The following WASF1 variants were observed in gnomAD, a reference collection of about 807,000 sequenced individuals.
The protein encoded by WASF1 is WASP family member 1, also known as actin-binding protein WASF1.
WASF1 carries 7 observed loss-of-function variants against 50.5 expected under a neutral mutation model. That is an observed-to-expected ratio of 0.14 (90% CI 0.08 to 0.26). WASF1 has a LOEUF of 0.26. Ranked by LOEUF, WASF1 falls within the 10% of genes least tolerant of loss-of-function variation. The probability of loss-of-function intolerance (pLI) is 1.00; values close to 1 mark genes in which losing one functional copy is unlikely to be tolerated. For synonymous variants in WASF1, 205 were observed against 244.0 expected (o/e 0.84, Z 1.49); for missense variants, 470 against 694.7 (o/e 0.68, Z 3.64).
intron 4 of WASF1, among the ~76,000 whole-genome samples, chr6:110,114,499 T>C (rs913438517): frequency 3.3e-5 from 5 of 152,200 alleles, no homozygotes; most frequent in Non-Finnish European, 7.3e-5. Flanking sequence ...CGAATACCTT[T>C]TAATCTTGTA....
intron 3 of WASF1, among the ~76,000 whole-genome samples, chr6:110,143,672 T>C (rs945116795): frequency 1.1e-4 from 17 of 152,162 alleles, no homozygotes; most frequent in Non-Finnish European, 1.6e-4. Context: ...TAACAGTTAA[T>C]AATTGCTTTA....
chr6:110,115,230 G>C (rs1386580345), intron 4 of WASF1, among the ~76,000 whole-genome samples: 2 of 150,770 alleles, frequency 1.3e-5, no homozygotes, highest in African/African-American at 4.9e-5. Flanking sequence ...AACTGCTACA[G>C]AGGACATTTA....
intron 3 of WASF1, among the ~76,000 whole-genome samples, chr6:110,147,737 A>C (rs1775637989): frequency 6.6e-6 from 1 of 152,144 alleles, no homozygotes; most frequent in African/African-American, 2.4e-5. Context: ...ATACTGCACC[A>C]AGGTTATTAC....
intron 7 of WASF1, among the ~76,000 whole-genome samples, chr6:110,106,614 T>C (rs1773336727): frequency 6.6e-6 from 1 of 152,202 alleles, no homozygotes; most frequent in Non-Finnish European, 1.5e-5. Flanking sequence ...TAATAACCTC[T>C]CCAAAACATT....
intron 5 of WASF1, among the ~76,000 whole-genome samples, chr6:110,111,220 G>A (rs1773540319): frequency 6.6e-6 from 1 of 152,042 alleles, no homozygotes; most frequent in African/African-American, 2.4e-5. Flanking sequence ...AAGCAGTTGA[G>A]TTATCTGAAA....
At chr6:110,128,203 T>C (rs890400588) in intron 3 of WASF1, among the ~76,000 whole-genome samples, 4 of 152,210 alleles carry the variant, frequency 2.6e-5, no homozygotes, top group Admixed American at 6.5e-5. Context: ...TAACTTCCAA[T>C]TACTAGAATA....
At chr6:110,158,445 CTCTT>C (rs909188102) in intron 3 of WASF1, among the ~76,000 whole-genome samples, 24 of 140,672 alleles carry the variant, frequency 1.7e-4, no homozygotes, top group Non-Finnish European at 3.5e-4. Context: ...ATTCTTCTCT[CTCTT>C]TTTCTTTATT....
At chr6:110,144,934 C>T (rs1277034979) in intron 3 of WASF1, among the ~76,000 whole-genome samples, 13 of 151,852 alleles carry the variant, frequency 8.6e-5, no homozygotes, top group Non-Finnish European at 1.6e-4. Flanking sequence ...ATTGACTTGG[C>T]GATGCGGGCT....
chr6:110,164,602 C>T lies in WASF1; in HGVS notation c.-126-3870G>A, dbSNP rs368015098. On this transcript the variant is annotated intron_variant, in intron 2 of 10. Transcript: ENST00000392589. The stretch of plus-strand genomic sequence containing the variant: ...ATGCAGAGCAAGAAGAACTCTCATT[C>T]GCTGCTATTGAGAATGCATAATTGG... 1.0e-3 allele frequency among the ~76,000 whole-genome samples: 152 copies of T among 151,736 alleles called. 1 individual carries two copies. The highest frequency in any genetic ancestry group is 1.3e-3 in the Admixed American group (20 of 15,204).
chr6:110,113,416 G>A lies in WASF1; in HGVS notation c.178C>T (p.His60Tyr). Residue 60 changes from histidine to tyrosine, a missense_variant, in exon 5 of 11, where the codon CAT becomes TAT. His to Tyr is a moderately conservative substitution (Grantham distance 83). Around this residue, in one of 3 missense-constraint regions of WASF1, gnomAD observed 140 missense variants for 260.5 expected, o/e 0.54. Coordinates refer to ENST00000392589, the MANE Select transcript of WASF1 (RefSeq NM_003931.3). ...GAGTTGACTCTGAAGGAAAAACTAT[G>A]TGCTTCATTGAATAATTCTCCAAAT... ...DIFGELFNEAHSFSFRVNSLQ... is the reference protein window; with the variant it reads ...DIFGELFNEAYSFSFRVNSLQ... 2 of 1,602,708 alleles carry A rather than the reference G, an allele frequency of 1.2e-6. No individual in the cohort carries two copies. Among genetic ancestry groups the A allele is most frequent in the Non-Finnish European group, 1.7e-6 (2 of 1,175,044 alleles).
chr6:110,106,374 AAAG>A (rs1329848215), intron 7 of WASF1, among the ~76,000 whole-genome samples: 1 of 152,244 alleles, frequency 6.6e-6, no homozygotes, highest in Non-Finnish European at 1.5e-5. Context: ...ACCATCTAGC[AAAG>A]AAGACAATAC....
chr6:110,134,075 G>A (rs545980143), intron 3 of WASF1, among the ~76,000 whole-genome samples: 13 of 151,818 alleles, frequency 8.6e-5, no homozygotes, highest in South Asian at 4.2e-4. Flanking sequence ...CCTCCACCAC[G>A]CCCAGCTAAT....
chr6:110,119,605 A>G (rs530001111), intron 4 of WASF1, among the ~76,000 whole-genome samples: 2 of 152,376 alleles, frequency 1.3e-5, no homozygotes, highest in East Asian at 1.9e-4. Context: ...AAAGTCTACC[A>G]GAGGTAAAAA....
At chr6:110,165,164 A>C (rs1459543063) in intron 2 of WASF1, among the ~76,000 whole-genome samples, 1 of 151,604 alleles carries the variant, frequency 6.6e-6, no homozygotes, top group Non-Finnish European at 1.5e-5. Flanking sequence ...TACAACACCA[A>C]GAGTGACCCT....
intron 2 of WASF1, among the ~76,000 whole-genome samples, chr6:110,161,007 T>G (rs1380319901): frequency 6.6e-6 from 1 of 151,584 alleles, no homozygotes; most frequent in East Asian, 1.9e-4. Flanking sequence ...AAACATTTTT[T>G]CATTAAAAAA....
At chr6:110,161,624 CT>C (rs768443362) in intron 2 of WASF1, among the ~76,000 whole-genome samples, 11 of 151,514 alleles carry the variant, frequency 7.3e-5, no homozygotes, top group Non-Finnish European at 1.6e-4. Context: ...GTATATGTTG[CT>C]TTCTATAGCT....
intron 4 of WASF1, among the ~76,000 whole-genome samples, chr6:110,126,339 CAA>C (rs1774415241): frequency 6.6e-6 from 1 of 152,018 alleles, no homozygotes; most frequent in Admixed American, 6.6e-5. Flanking sequence ...CTGAATGGAA[CAA>C]GGAATATACT....
At chr6:110,112,903 A>AAC (rs1313644945) in intron 5 of WASF1, among the ~76,000 whole-genome samples, 2 of 128,944 alleles carry the variant, frequency 1.6e-5, no homozygotes, top group Non-Finnish European at 3.2e-5. Context: ...TCAAAAAAAA[A>AAC]AAAAAACAAA....
intron 2 of WASF1, among the ~76,000 whole-genome samples, chr6:110,175,301 G>C (rs1041655266): frequency 3.3e-5 from 5 of 151,962 alleles, no homozygotes; most frequent in African/African-American, 1.2e-4. Flanking sequence ...CAATCCAAAA[G>C]AAAAATCCTG....
Sources: allele counts gnomAD v4.1 joint callset (sites outside exome capture counted in the v4.1 genomes callset), GRCh38; gene constraint gnomAD v4.1.1; regional missense constraint gnomAD v4.1.1; transcripts MANE v1.5; gene names NCBI Gene and HGNC (gene_info 2026-07-23, HGNC 2026-07-21).